TRPS1: variants seen among roughly 807,000 people sequenced by gnomAD.
TRPS1 encodes the protein zinc finger transcription factor Trps1.
Under a neutral mutation model 101.2 loss-of-function variants are expected in TRPS1, and 6 were observed. That is an observed-to-expected ratio of 0.06 (90% confidence interval 0.03 to 0.12). TRPS1 has a LOEUF of 0.12. Among genes scored for constraint, TRPS1 ranks in the 10% least tolerant of loss-of-function variants. The pLI is 1.00. For synonymous variants in TRPS1, 578 were observed against 589.8 expected (o/e 0.98, Z 0.29); for missense variants, 1,363 against 1,567.0 (o/e 0.87, Z 2.20).
At chr8:115,475,383 A>G (rs1586311451) in intron 5 of TRPS1, among the ~76,000 whole-genome samples, 1 of 150,512 alleles carries the variant, frequency 6.6e-6, no homozygotes, top group Non-Finnish European at 1.5e-5. Flanking sequence ...ATCACTTGCT[A>G]CTGCAATTAG....
In TRPS1 at chr8:115,431,815, C is replaced by T. The variant is rs180986467; in HGVS notation, c.2701-13363G>A. Among the ~76,000 whole-genome samples, 696 of 151,928 alleles carry T rather than the reference C, an allele frequency of 4.6e-3. 14 individuals carry two copies. The highest frequency in any genetic ancestry group is 0.034 in the Admixed American group (512 of 15,242). ...GTTGACTCACTTGGGTTTATACAGA[C>T]CCAGACATAGAAACTTTGCTAATTT... is the stretch of plus-strand genomic sequence containing the variant. On this transcript the variant is annotated intron_variant, in intron 5 of 6. Coordinates refer to ENST00000395715, the MANE Select transcript of TRPS1 (RefSeq NM_014112.5).
At chr8:115,543,533 A>T (rs1024221902) in intron 5 of TRPS1, among the ~76,000 whole-genome samples, 5 of 152,160 alleles carry the variant, frequency 3.3e-5, no homozygotes, top group Non-Finnish European at 5.9e-5. Flanking sequence ...GTGAGCATTT[A>T]AAAAATATAT....
At chr8:115,455,986 G>A (rs961584722) in intron 5 of TRPS1, among the ~76,000 whole-genome samples, 5 of 151,582 alleles carry the variant, frequency 3.3e-5, no homozygotes, top group African/African-American at 1.2e-4. Flanking sequence ...GGGTTTCACC[G>A]TGTTAGCCAG....
chr8:115,453,359 C>T (rs547859147), intron 5 of TRPS1, among the ~76,000 whole-genome samples: 2 of 152,266 alleles, frequency 1.3e-5, no homozygotes, highest in South Asian at 4.1e-4. Flanking sequence ...ATAGAGTCAG[C>T]TGAGCGTTTA....
At chr8:115,643,821 G>A (rs868563317) in intron 1 of TRPS1, among the ~76,000 whole-genome samples, 6 of 152,176 alleles carry the variant, frequency 3.9e-5, no homozygotes, top group African/African-American at 1.4e-4. Context: ...ATAGCTTTAT[G>A]AAATGTATGT....
intron 5 of TRPS1, among the ~76,000 whole-genome samples, chr8:115,481,927 T>C (rs1039788708): frequency 6.6e-6 from 1 of 152,188 alleles, no homozygotes; most frequent in African/African-American, 2.4e-5. Flanking sequence ...AAAATTTCGG[T>C]AAGTTTAGGA....
At chr8:115,642,642 C>T (rs1293648942) in intron 1 of TRPS1, among the ~76,000 whole-genome samples, 1 of 151,808 alleles carries the variant, frequency 6.6e-6, no homozygotes, top group Non-Finnish European at 1.5e-5. Flanking sequence ...ATTAGGGACA[C>T]CTTTTCTATC....
intron 5 of TRPS1, among the ~76,000 whole-genome samples, chr8:115,544,532 A>G (rs1007837605): frequency 1.3e-5 from 2 of 152,048 alleles, no homozygotes; most frequent in African/African-American, 4.8e-5. Flanking sequence ...TAAAAATACT[A>G]ATTAAAAAGC....
Position 115,587,358 on chromosome 8 carries a change from C to G in TRPS1, c.2343G>C (p.Glu781Asp), listed in dbSNP as rs1480210159. The change falls in exon 5 of 7, where the codon GAG becomes GAC. Residue 781 changes from glutamate to aspartate, a missense_variant. Glu to Asp is a conservative substitution (Grantham distance 45, BLOSUM62 2). Around this residue, in one of 5 missense-constraint regions of TRPS1, gnomAD observed 1,020 missense variants for 1,073.0 expected, o/e 0.95. Transcript: ENST00000395715. Reference sequence around the variant, plus strand: ...TGAGCCCGTCCTTCTCTTCCAGCTTCTCTCTCTTCACCACACTCTCAGAAA... The same window carrying G: ...TGAGCCCGTCCTTCTCTTCCAGCTTGTCTCTCTTCACCACACTCTCAGAAA... ...EPVSESVVKR[E>D]KLEEKDGLKE... The G allele has an allele frequency of 1.2e-6, 2 of 1,614,218 alleles. No individual in the cohort carries two copies. The highest frequency in any genetic ancestry group is 1.7e-6 in the Non-Finnish European group (2 of 1,180,022).
At chr8:115,560,702 C>T (rs1336638070) in intron 5 of TRPS1, among the ~76,000 whole-genome samples, 1 of 152,008 alleles carries the variant, frequency 6.6e-6, no homozygotes, top group Admixed American at 6.6e-5. Flanking sequence ...GGATGAATGG[C>T]CTGGAGTGAT....
chr8:115,629,946 A>T (rs1448342015), intron 1 of TRPS1, among the ~76,000 whole-genome samples: 4 of 151,884 alleles, frequency 2.6e-5, no homozygotes, highest in African/African-American at 9.7e-5. Flanking sequence ...TGAAAATCCC[A>T]AGCAGATCCC....
chr8:115,623,099 T>A (rs562069119), intron 2 of TRPS1, among the ~76,000 whole-genome samples: 2 of 152,110 alleles, frequency 1.3e-5, no homozygotes, highest in South Asian at 4.1e-4. Flanking sequence ...TAAATTATCA[T>A]CTTTCTAAAA....
chr8:115,541,556 T>G (rs1175007252), intron 5 of TRPS1, among the ~76,000 whole-genome samples: 1 of 152,158 alleles, frequency 6.6e-6, no homozygotes, highest in Non-Finnish European at 1.5e-5. Flanking sequence ...TAATTAAAAA[T>G]TAGGTTCAGA....
At chr8:115,515,105 G>A in intron 5 of TRPS1, 1 of 603,854 alleles carries the variant, frequency 1.7e-6, no homozygotes, top group South Asian at 2.0e-5. Context: ...ACTTTCTCAG[G>A]GTCACAGATT....
At chr8:115,519,700 G>A (rs1815810264) in intron 5 of TRPS1, among the ~76,000 whole-genome samples, 1 of 151,248 alleles carries the variant, frequency 6.6e-6, no homozygotes, top group South Asian at 2.1e-4. Flanking sequence ...CCCATATTGT[G>A]TAAACAACAT....
chr8:115,545,276 C>A (rs1165719119), intron 5 of TRPS1, among the ~76,000 whole-genome samples: 1 of 152,172 alleles, frequency 6.6e-6, no homozygotes, highest in Non-Finnish European at 1.5e-5. Flanking sequence ...TGAATTCACA[C>A]TGGAGTTTCT....
intron 5 of TRPS1, among the ~76,000 whole-genome samples, chr8:115,530,823 CTCA>C (rs1171255287): frequency 1.3e-5 from 2 of 152,014 alleles, no homozygotes; most frequent in African/African-American, 2.4e-5. Context: ...AGCAAACTAT[CTCA>C]AGGACAGAAA....
chr8:115,456,779 T>G (rs1293725196), intron 5 of TRPS1, among the ~76,000 whole-genome samples: 1 of 152,146 alleles, frequency 6.6e-6, no homozygotes, highest in African/African-American at 2.4e-5. Context: ...CTTCTTCTTT[T>G]TTTGATATGA....
At chr8:115,431,968 C>T (rs1813330046) in intron 5 of TRPS1, among the ~76,000 whole-genome samples, 1 of 151,634 alleles carries the variant, frequency 6.6e-6, no homozygotes, top group South Asian at 2.1e-4. Flanking sequence ...CACAAACATA[C>T]ATTTATAATA....
Sources: allele counts gnomAD v4.1 joint callset (sites outside exome capture counted in the v4.1 genomes callset), GRCh38; gene constraint gnomAD v4.1.1; regional missense constraint gnomAD v4.1.1; transcripts MANE v1.5; gene names NCBI Gene and HGNC (gene_info 2026-07-23, HGNC 2026-07-21).